The following SELPLG variants were observed in gnomAD, a reference collection of about 807,000 sequenced individuals.
SELPLG encodes selectin P ligand, also known as P-selectin glycoprotein ligand 1.
SELPLG carries 2 observed loss-of-function variants against 1.1 expected under a neutral mutation model. That is an observed-to-expected ratio of 1.82 (90% confidence interval 0.74 to 5.71). SELPLG has a LOEUF of 5.71. Among genes scored for constraint, SELPLG ranks in the 30% most tolerant of loss-of-function variants. The pLI is 0.05. For missense variants in SELPLG, 478 were observed against 524.7 expected (o/e 0.91, Z 0.87); for synonymous variants, 230 against 221.2 (o/e 1.04, Z -0.35).
chr12:108,623,057 T>C lies in SELPLG; in HGVS notation c.*12A>G. 1 of 1,477,778 alleles carries C rather than the reference T, an allele frequency of 6.8e-7. No homozygotes were observed. Among genetic ancestry groups the C allele is most frequent in the East Asian group, 2.4e-5 (1 of 41,972 alleles). 91.5% of individuals were successfully genotyped at this position (1,477,778 alleles called of 1,614,324 possible). Reference sequence around the variant, plus strand: ...GGAGGTGGGGTCTTGCCAAAACAGATGGCAGAGTGAGCTAAGGGAGGAAGC... The same window carrying C: ...GGAGGTGGGGTCTTGCCAAAACAGACGGCAGAGTGAGCTAAGGGAGGAAGC... On this transcript the variant is annotated 3_prime_UTR_variant, in exon 2 of 2. Transcript: ENST00000550948.
chr12:108,629,785 C>G (rs1471488844), intron 1 of SELPLG, among the ~76,000 whole-genome samples: 1 of 152,134 alleles, frequency 6.6e-6, no homozygotes, highest in Non-Finnish European at 1.5e-5. Context: ...TGAGGCCACA[C>G]AGGTAGAAGG....
At chr12:108,626,119 G>GTTTCT in intron 1 of SELPLG, among the ~76,000 whole-genome samples, 6 of 145,748 alleles carry the variant, frequency 4.1e-5, no homozygotes, top group African/African-American at 1.0e-4. Context: ...AATTATGTTG[G>GTTTCT]TTTCTTTTCT....
intron 1 of SELPLG, among the ~76,000 whole-genome samples, chr12:108,624,969 T>C (rs1186439131): frequency 6.6e-6 from 1 of 152,216 alleles, no homozygotes; most frequent in Non-Finnish European, 1.5e-5. Context: ...GGATTAGGCA[T>C]GAGCCACTGC....
At position 108,623,939 on chromosome 12, in the gene SELPLG, G is replaced by A. The variant is rs770185562; in HGVS notation, c.369C>T (p.Thr123=). The A allele has an allele frequency of 6.2e-7, 1 of 1,613,786 alleles. No homozygotes were observed. Among genetic ancestry groups the A allele is most frequent in the Admixed American group, 1.7e-5 (1 of 59,976 alleles). Residue 123 remains threonine (T), a synonymous_variant, in exon 2 of 2, where the codon ACC becomes ACT. Transcript: ENST00000550948. ...GTGCCTCCGTGGCTGCTGGTTGAGTGGTCTGTATCTCCATAGCTGCTGAAT... is the reference window on the plus strand; with the variant it reads ...GTGCCTCCGTGGCTGCTGGTTGAGTAGTCTGTATCTCCATAGCTGCTGAAT... The part of the protein sequence containing the change: ...STDSAAMEIQ[T]TQPAATEAQT...
Position 108,623,109 on chromosome 12 carries a change from C to A in SELPLG, c.1199G>T (p.Arg400Leu). The A allele has an allele frequency of 6.5e-7, 1 of 1,545,320 alleles. No individual in the cohort carries two copies. The change falls in exon 2 of 2, where the codon CGT becomes CTT. Residue 400 changes from arginine to leucine, a missense_variant. Arg to Leu is a moderately radical substitution (Grantham distance 102). Transcript: ENST00000550948. Reference sequence around the variant, plus strand: ...GTGCAGGGTGAGGTCATCCCCCTCACGGTCCTCCCTGGGCTCTGGCGTCAG... The same window carrying A: ...GTGCAGGGTGAGGTCATCCCCCTCAAGGTCCTCCCTGGGCTCTGGCGTCAG... ...PGLTPEPRED[R>L]EGDDLTLHSF...
rs373660656 is a variant in SELPLG at position 108,623,166 on chromosome 12, T to C, written c.1142A>G (p.Asn381Ser). 29 of 1,612,760 alleles carry C rather than the reference T, an allele frequency of 1.8e-5. No homozygotes were observed. The highest frequency in any genetic ancestry group is 3.3e-5 in the South Asian group (3 of 90,860). ...DGGEGPSATA[N>S]GGLSKAKSPG... ...GCTCTTGGCCTTGGACAGGCCCCCA[T>C]TGGCTGTGGCAGAGGGCCCCTCACC... is the stretch of plus-strand genomic sequence containing the variant. The change falls in exon 2 of 2, where the codon AAT (asparagine) becomes AGT (serine). Residue 381 changes from asparagine (N) to serine (S), a missense_variant. By Grantham distance (46) the Asn-to-Ser change is conservative. Coordinates refer to ENST00000550948, the MANE Select transcript of SELPLG (RefSeq NM_003006.4).
In SELPLG at chr12:108,623,692, G is replaced by A. The variant is rs201594825; in HGVS notation, c.616C>T (p.Pro206Ser). Reference sequence around the variant, plus strand: ...GTGGTCTGTGCTTCCATGGCTGCTGGTGCAGTGGTCTGTGCCTCCATGGCT... The same window carrying A: ...GTGGTCTGTGCTTCCATGGCTGCTGATGCAGTGGTCTGTGCCTCCATGGCT... The part of the protein sequence containing the change: ...PAAMEAQTTA[P>S]AAMEAQTTPP... Residue 206 changes from proline (P) to serine (S), a missense_variant, in exon 2 of 2, where the codon CCA (proline) becomes TCA (serine). By Grantham distance (74) the Pro-to-Ser change is moderately conservative. Transcript: ENST00000550948. 8.5e-6 allele frequency: 13 copies of A among 1,521,492 alleles called. No homozygotes were observed. The highest frequency in any genetic ancestry group is 2.2e-5 in the East Asian group (1 of 44,798). The allele number at this position is 1,521,492 out of a possible 1,614,324, so 94.2% of individuals were successfully genotyped here. A position where few individuals can be genotyped will look rare whatever the true frequency, so the allele number is the denominator to read the frequency against.
At chr12:108,624,823 G>A (rs2031907846) in intron 1 of SELPLG, among the ~76,000 whole-genome samples, 1 of 151,824 alleles carries the variant, frequency 6.6e-6, no homozygotes. Context: ...CTGAGAAGCT[G>A]GGATTACAGG....
In SELPLG at chr12:108,623,779, C is replaced by G. The variant is rs1046180813; in HGVS notation, c.529G>C (p.Ala177Pro). 8 of 1,608,846 alleles carry G rather than the reference C, an allele frequency of 5.0e-6. No homozygotes were observed. Among genetic ancestry groups the G allele is most frequent in the Non-Finnish European group, 5.9e-6 (7 of 1,178,526 alleles). The part of the protein sequence containing the change: ...AATEAQTTPP[A>P]ATEAQTTQPT... Reference sequence around the variant, plus strand: ...TGAGTGGTCTGTGCTTCCGTGGCTGCTGGTGGAGTGGTCTGTGCCTCTGTG... The same window carrying G: ...TGAGTGGTCTGTGCTTCCGTGGCTGGTGGTGGAGTGGTCTGTGCCTCTGTG... Residue 177 changes from alanine (A) to proline (P), a missense_variant, in exon 2 of 2, where the codon GCA (alanine) becomes CCA (proline). Transcript: ENST00000550948.
At chr12:108,626,109 A>ATC (rs2031931338) in intron 1 of SELPLG, among the ~76,000 whole-genome samples, 1 of 150,942 alleles carries the variant, frequency 6.6e-6, no homozygotes, top group Non-Finnish European at 1.5e-5. Flanking sequence ...TGTTAGTTAG[A>ATC]ATTATGTTGG....
chr12:108,623,793 T>C lies in SELPLG; in HGVS notation c.515A>G (p.Gln172Arg). ...QTTPLAATEAQTTPPAATEAQ... is the reference protein window; with the variant it reads ...QTTPLAATEARTTPPAATEAQ... The stretch of plus-strand genomic sequence containing the variant: ...TTCCGTGGCTGCTGGTGGAGTGGTC[T>C]GTGCCTCTGTGGCTGCCAGTGGAGT... Residue 172 changes from glutamine to arginine, a missense_variant, in exon 2 of 2, where the codon CAG (glutamine) becomes CGG (arginine). Transcript: ENST00000550948. 6.2e-7 allele frequency: 1 copy of C among 1,612,212 alleles called. No individual in the cohort carries two copies. The highest frequency in any genetic ancestry group is 8.5e-7 in the Non-Finnish European group (1 of 1,179,572).
chr12:108,624,693 C>CT (rs1162863553), intron 1 of SELPLG, among the ~76,000 whole-genome samples: 1,669 of 114,826 alleles, frequency 0.015, 36 homozygotes, highest in African/African-American at 0.042. Context: ...CTCCTTTTTT[C>CT]TTTTTTTTTT....
Position 108,622,945 on chromosome 12 carries a change from G to T in SELPLG, c.*124C>A. The T allele has an allele frequency of 9.3e-7, 1 of 1,071,346 alleles. No individual in the cohort carries two copies. Among genetic ancestry groups the T allele is most frequent in the Non-Finnish European group, 1.3e-6 (1 of 780,836 alleles). 66.4% of individuals were successfully genotyped at this position (1,071,346 alleles called of 1,614,324 possible). A position where few individuals can be genotyped will look rare whatever the true frequency, so the allele number is the denominator to read the frequency against. ...TTTGGGTGGCCAGAGTTCCTTCCCT[G>T]AAGATCCCCATCCCCAGGGGTCTCC... On this transcript the variant is annotated 3_prime_UTR_variant, in exon 2 of 2. Coordinates refer to ENST00000550948, the MANE Select transcript of SELPLG (RefSeq NM_003006.4).
intron 1 of SELPLG, among the ~76,000 whole-genome samples, chr12:108,626,550 G>A (rs909971690): frequency 7.9e-5 from 12 of 152,220 alleles, no homozygotes; most frequent in Admixed American, 2.0e-4. Flanking sequence ...AGTCTGGAGT[G>A]CAGTAGTGCA....
rs544734748 is a variant in SELPLG at position 108,624,985 on chromosome 12, A to G, written c.-5-673T>C. Among the ~76,000 whole-genome samples the G allele has an allele frequency of 3.3e-5, 5 of 151,624 alleles. No homozygotes were observed. In the South Asian group the frequency reaches 1.0e-3, roughly 32 times the overall value. On this transcript the variant is annotated intron_variant, in intron 1 of 1. Transcript: ENST00000550948. ...GATTAGGCATGAGCCACTGCGCCCGACCTCATGTCACTCCTTCTTAATTTC... is the reference window on the plus strand; with the variant it reads ...GATTAGGCATGAGCCACTGCGCCCGGCCTCATGTCACTCCTTCTTAATTTC...
intron 1 of SELPLG, among the ~76,000 whole-genome samples, chr12:108,630,964 C>T (rs370398320): frequency 1.4e-3 from 209 of 152,334 alleles, no homozygotes; most frequent in African/African-American, 4.9e-3. Context: ...CAGTGGCTGG[C>T]AACCACTGTG....
Position 108,625,644 on chromosome 12 carries a change from A to G in SELPLG, c.-5-1332T>C, listed in dbSNP as rs1457363478. 2.0e-5 allele frequency among the ~76,000 whole-genome samples: 3 copies of G among 152,324 alleles called. No homozygotes were observed. In the South Asian group the frequency reaches 6.2e-4, roughly 32 times the overall value. ...CTGTGGGTAGGACCACTGTCTATTC[A>G]GAGACTCTACATTGTCCTCCCTACT... On this transcript the variant is annotated intron_variant, in intron 1 of 1. Transcript: ENST00000550948.
In SELPLG at chr12:108,623,060, C is replaced by T. The variant is rs112111856; in HGVS notation, c.*9G>A. 3.5e-4 allele frequency: 525 copies of T among 1,479,504 alleles called. 5 individuals are homozygous for T. In the African/African-American group the frequency reaches 5.6e-3, roughly 16 times the overall value. The allele number at this position is 1,479,504 out of a possible 1,614,324, so 91.6% of individuals were successfully genotyped here. ...GGTGGGGTCTTGCCAAAACAGATGG[C>T]AGAGTGAGCTAAGGGAGGAAGCTGT... is the stretch of plus-strand genomic sequence containing the variant. On this transcript the variant is annotated 3_prime_UTR_variant, in exon 2 of 2. Transcript: ENST00000550948.
intron 1 of SELPLG, among the ~76,000 whole-genome samples, chr12:108,625,405 A>C (rs2031920063): frequency 6.6e-6 from 1 of 151,810 alleles, no homozygotes; most frequent in African/African-American, 2.4e-5. Flanking sequence ...GCCTATTGTG[A>C]GGATAAAATG....
Sources: gnomAD v4.1 joint callset for allele counts (sites outside exome capture counted in the v4.1 genomes callset) on GRCh38, gnomAD v4.1.1 for gene constraint, MANE v1.5 for transcripts, NCBI Gene and HGNC (gene_info 2026-07-23, HGNC 2026-07-21) for gene names.